JAK2: variants seen among roughly 807,000 people sequenced by gnomAD.
The protein encoded by JAK2 is tyrosine-protein kinase JAK2.
In JAK2, 86 loss-of-function variants were observed where a neutral mutation model predicts 139.3. The ratio of observed to expected loss-of-function variants is 0.62; its 90% confidence interval spans 0.52 to 0.74. The LOEUF is 0.74. Ranked by LOEUF, JAK2 falls within the 30% of genes least tolerant of loss-of-function variation. The pLI is 0.00. For missense variants in JAK2, 1,421 were observed against 1,360.3 expected (o/e 1.04, Z -0.70); for synonymous variants, 490 against 437.7 (o/e 1.12, Z -1.49).
At chr9:5,067,921 A>G (rs1166508089) in intron 10 of JAK2, among the ~76,000 whole-genome samples, 3 of 152,172 alleles carry the variant, frequency 2.0e-5, no homozygotes, top group Non-Finnish European at 4.4e-5. Flanking sequence ...TAGGAGGCCA[A>G]GGCGGGTGGA....
At chr9:5,060,523 A>G (rs115039860) in intron 8 of JAK2, among the ~76,000 whole-genome samples, 1 of 152,228 alleles carries the variant, frequency 6.6e-6, no homozygotes, top group Admixed American at 6.5e-5. Context: ...CATCTCAAGA[A>G]ACCATTTTTT....
chr9:5,113,930 T>C, intron 22 of JAK2: 1 of 246,414 alleles, frequency 4.1e-6, no homozygotes, highest in Non-Finnish European at 8.2e-6. Flanking sequence ...CCCCCGACCA[T>C]CCAGTTCCTG....
chr9:5,070,725 A>G (rs906902664), intron 12 of JAK2, among the ~76,000 whole-genome samples: 1 of 152,102 alleles, frequency 6.6e-6, no homozygotes, highest in South Asian at 2.1e-4. Context: ...ATTGAAAAAA[A>G]CCCACATATA....
intron 10 of JAK2, 61 bp from the exon 11 acceptor site, chr9:5,068,961 A>G: frequency 2.1e-6 from 2 of 941,244 alleles, no homozygotes; most frequent in Admixed American, 2.6e-5. Flanking sequence ...TTTTGTCAGA[A>G]TAATCACTGT....
At chr9:5,018,287 G>A (rs1252693270) in intron 2 of JAK2, among the ~76,000 whole-genome samples, 4 of 151,932 alleles carry the variant, frequency 2.6e-5, no homozygotes, top group South Asian at 2.1e-4. Context: ...TGATACTTTC[G>A]TCATCTGTTT....
chr9:5,055,283 A>G (rs1163320625), intron 7 of JAK2, among the ~76,000 whole-genome samples: 1 of 152,018 alleles, frequency 6.6e-6, no homozygotes, highest in Non-Finnish European at 1.5e-5. Context: ...TTAGGTTTGC[A>G]TTGCAAGTTT....
chr9:5,105,051 C>A (rs1314183625), intron 22 of JAK2, among the ~76,000 whole-genome samples: 1 of 152,178 alleles, frequency 6.6e-6, no homozygotes, highest in East Asian at 1.9e-4. Context: ...GTTAGAAGTT[C>A]TGGCCAGGGC....
chr9:5,085,245 G>A, intron 19 of JAK2: 1 of 674,748 alleles, frequency 1.5e-6, no homozygotes, highest in South Asian at 1.4e-5. Context: ...CAGGACCAGT[G>A]GCTAACCTGA....
chr9:5,042,863 C>T (rs1427665868), intron 4 of JAK2, among the ~76,000 whole-genome samples: 2 of 152,238 alleles, frequency 1.3e-5, no homozygotes, highest in African/African-American at 4.8e-5. Flanking sequence ...GCTCGGTCGC[C>T]ACAGGCACGG....
At chr9:5,112,550 C>G in intron 22 of JAK2, 1 of 606,568 alleles carries the variant, frequency 1.6e-6, no homozygotes. Context: ...AAGCAGGTGG[C>G]CAATAACGCC....
rs139964957 is a variant in JAK2 at position 5,128,080 on chromosome 9, T to TTGTGTGTGTGTGTGTGTGTG, written c.*1311_*1330dup. The stretch of plus-strand genomic sequence containing the variant: ...TAGCTAAAATAAAATATGGTGGGTT[T>TTGTGTGTGTGTGTGTGTGTG]TGTGTGTGTGTGTGTGTGTGTGTGT... On this transcript the variant is annotated 3_prime_UTR_variant, in exon 25 of 25. Transcript: ENST00000381652. 9.3e-6 allele frequency: 2 copies of TTGTGTGTGTGTGTGTGTGTG among 215,658 alleles called. No individual in the cohort carries two copies. Among genetic ancestry groups the TTGTGTGTGTGTGTGTGTGTG allele is most frequent in the African/African-American group, 4.7e-5 (2 of 42,664 alleles). The allele number at this position is 215,658 out of a possible 1,614,324, so 13.4% of individuals were successfully genotyped here.
intron 19 of JAK2, among the ~76,000 whole-genome samples, chr9:5,089,185 A>G (rs1004587189): frequency 4.6e-5 from 7 of 152,128 alleles, no homozygotes; most frequent in East Asian, 1.9e-4. Flanking sequence ...CAGATTTACT[A>G]CCCACCTGTT....
intron 8 of JAK2, among the ~76,000 whole-genome samples, chr9:5,059,933 A>T (rs775431606): frequency 6.6e-6 from 1 of 152,088 alleles, no homozygotes; most frequent in Admixed American, 6.6e-5. Context: ...TATAGATTCT[A>T]AGTCTTTTGT....
intron 2 of JAK2, among the ~76,000 whole-genome samples, chr9:4,997,323 G>A (rs1252358827): frequency 6.6e-6 from 1 of 152,184 alleles, no homozygotes; most frequent in African/African-American, 2.4e-5. Context: ...GGTTCTGCAG[G>A]CTTACAAGCA....
chr9:5,108,507 T>C (rs1030835997), intron 22 of JAK2: 1 of 152,142 alleles, frequency 6.6e-6, no homozygotes, highest in Admixed American at 6.5e-5. Context: ...TAATCTTATA[T>C]GACTAGCATG....
At chr9:5,037,665 C>T (rs1040346413) in intron 4 of JAK2, among the ~76,000 whole-genome samples, 6 of 152,066 alleles carry the variant, frequency 3.9e-5, no homozygotes, top group African/African-American at 1.4e-4. Context: ...AATGAGAACA[C>T]ATGGACACAG....
chr9:4,987,507 A>G (rs905218195), intron 2 of JAK2, among the ~76,000 whole-genome samples: 1 of 152,226 alleles, frequency 6.6e-6, no homozygotes, highest in Admixed American at 6.5e-5. Context: ...AGGCTGAGGA[A>G]GGAGGATCAC....
At chr9:5,040,891 G>T (rs1435359816) in intron 4 of JAK2, 1 of 297,970 alleles carries the variant, frequency 3.4e-6, no homozygotes, top group Non-Finnish European at 6.4e-6. Flanking sequence ...CCGCGCTGCT[G>T]AAGCCTGGCC....
At chr9:5,097,728 T>A (rs969800445) in intron 22 of JAK2, 2 of 152,200 alleles carry the variant, frequency 1.3e-5, no homozygotes, top group Non-Finnish European at 2.9e-5. Flanking sequence ...TAATTGGCAT[T>A]GTACTAGCTA....
Sources: gnomAD v4.1 joint callset for allele counts (sites outside exome capture counted in the v4.1 genomes callset) on GRCh38, gnomAD v4.1.1 for gene constraint, MANE v1.5 for transcripts, NCBI Gene and HGNC (gene_info 2026-07-23, HGNC 2026-07-21) for gene names.